Variants in SRRM3 observed in about 807,000 individuals in gnomAD.
SRRM3 encodes serine/arginine repetitive matrix protein 3.
Under a neutral mutation model 66.2 loss-of-function variants are expected in SRRM3, and 27 were observed. That is an observed-to-expected ratio of 0.41 (90% CI 0.30 to 0.56). SRRM3 has a LOEUF of 0.56. Ranked by LOEUF, SRRM3 falls within the 20% of genes least tolerant of loss-of-function variation. SRRM3 has a pLI of 0.32. For synonymous variants in SRRM3, 391 were observed against 414.9 expected (o/e 0.94, Z 0.70); for missense variants, 918 against 991.9 (o/e 0.93, Z 1.00).
intron 1 of SRRM3, among the ~76,000 whole-genome samples, chr7:76,222,230 AC>A (rs1800742188): frequency 6.6e-6 from 1 of 151,918 alleles, no homozygotes; most frequent in Non-Finnish European, 1.5e-5. Context: ...AACTAGTGAG[AC>A]CCTGTCTCTA....
In SRRM3 at chr7:76,235,703, G is replaced by T. The variant is rs1286486944; in HGVS notation, c.233+404G>T. On this transcript the variant is annotated intron_variant, in intron 2 of 14. Coordinates refer to ENST00000611745, the MANE Select transcript of SRRM3 (RefSeq NM_001110199.3). ...TAACATGGTGAAACCCCGTCTCTAT[G>T]AAAAATACAAAAAAAAATTTAGCTG... is the stretch of plus-strand genomic sequence containing the variant. Among the ~76,000 whole-genome samples the T allele has an allele frequency of 2.0e-5, 3 of 151,124 alleles. No individual in the cohort carries two copies. In the South Asian group the frequency reaches 6.3e-4, roughly 32 times the overall value.
chr7:76,262,479 C>T (rs1227491727), intron 8 of SRRM3, among the ~76,000 whole-genome samples: 1 of 142,794 alleles, frequency 7.0e-6, no homozygotes, highest in East Asian at 2.1e-4. Flanking sequence ...GAGTGCACAG[C>T]ACTCCAGCCT....
chr7:76,224,154 C>T (rs1308343848), intron 1 of SRRM3, among the ~76,000 whole-genome samples: 1 of 127,052 alleles, frequency 7.9e-6, no homozygotes, highest in Non-Finnish European at 1.6e-5. Context: ...GATCACAGCT[C>T]ACTGCAAGCT....
intron 5 of SRRM3, 84 bp from the exon 6 acceptor site, chr7:76,260,790 C>A: frequency 1.5e-6 from 2 of 1,346,910 alleles, no homozygotes; most frequent in Non-Finnish European, 2.1e-6. Flanking sequence ...CCTCCCCTGT[C>A]CTGCGTGAGA....
chr7:76,257,443 T>TAAAA (rs34478728), intron 3 of SRRM3, among the ~76,000 whole-genome samples: 6 of 95,282 alleles, frequency 6.3e-5, no homozygotes, highest in East Asian at 3.0e-4. Context: ...CTTGTTCAAT[T>TAAAA]AAAAAAAAAA....
At chr7:76,277,870 C>G (rs1323188117) in intron 11 of SRRM3, among the ~76,000 whole-genome samples, 1 of 152,176 alleles carries the variant, frequency 6.6e-6, no homozygotes, top group African/African-American at 2.4e-5. Flanking sequence ...CCTCCCCTAA[C>G]CAAAGTAGCA....
intron 1 of SRRM3, among the ~76,000 whole-genome samples, chr7:76,225,130 A>G (rs1298217541): frequency 6.6e-6 from 1 of 152,200 alleles, no homozygotes; most frequent in Non-Finnish European, 1.5e-5. Flanking sequence ...CAGATGAGGA[A>G]ACTGAGGCTC....
chr7:76,235,001 C>T, intron 1 of SRRM3, 27 bp from the exon 2 acceptor site: 1 of 1,359,102 alleles, frequency 7.4e-7, no homozygotes, highest in Non-Finnish European at 9.9e-7. Flanking sequence ...GTGACCATCC[C>T]GCCTCGTGTC....
chr7:76,261,031 C>T lies in SRRM3; in HGVS notation c.575+128C>T, dbSNP rs1157641644. On this transcript the variant is annotated intron_variant, in intron 6 of 14. Coordinates refer to ENST00000611745, the MANE Select transcript of SRRM3 (RefSeq NM_001110199.3). The stretch of plus-strand genomic sequence containing the variant: ...CCTGCACCTGGACACTGCCAAGGTG[C>T]AAGTTTTGCCCCTACAGAGGCCGTG... 11 of 1,006,888 alleles carry T rather than the reference C, an allele frequency of 1.1e-5. No individual in the cohort carries two copies. In the East Asian group the frequency reaches 2.9e-4, roughly 27 times the overall value. The allele number at this position is 1,006,888 out of a possible 1,614,324, so 62.4% of individuals were successfully genotyped here.
chr7:76,258,453 G>C (rs996142069), intron 3 of SRRM3, among the ~76,000 whole-genome samples: 1 of 152,032 alleles, frequency 6.6e-6, no homozygotes, highest in African/African-American at 2.4e-5. Context: ...GGTGGCTCAC[G>C]CCTGTAATCC....
chr7:76,278,184 A>G (rs1554611402), intron 11 of SRRM3, among the ~76,000 whole-genome samples: 1 of 152,092 alleles, frequency 6.6e-6, no homozygotes, highest in African/African-American at 2.4e-5. Context: ...CACAACTGCC[A>G]TCTCAGAGGG....
intron 1 of SRRM3, among the ~76,000 whole-genome samples, chr7:76,205,445 G>T (rs1244970394): frequency 6.6e-6 from 1 of 152,086 alleles, no homozygotes; most frequent in African/African-American, 2.4e-5. Flanking sequence ...CCTGACCTCA[G>T]GTGATCCGCC....
chr7:76,237,146 G>A (rs1213463723), intron 2 of SRRM3, among the ~76,000 whole-genome samples: 2 of 152,112 alleles, frequency 1.3e-5, no homozygotes, highest in South Asian at 2.1e-4. Context: ...GGTGGCTCAC[G>A]CCTGCAATCA....
At chr7:76,277,899 A>T (rs1802396140) in intron 11 of SRRM3, among the ~76,000 whole-genome samples, 1 of 152,152 alleles carries the variant, frequency 6.6e-6, no homozygotes, top group Non-Finnish European at 1.5e-5. Flanking sequence ...TTTCTTAAAG[A>T]AGGAGACCAG....
chr7:76,228,292 C>G (rs1223174949), intron 1 of SRRM3, among the ~76,000 whole-genome samples: 2 of 152,184 alleles, frequency 1.3e-5, no homozygotes, highest in African/African-American at 4.8e-5. Flanking sequence ...TCTTGGGGCT[C>G]TGTTTTGCAG....
intron 1 of SRRM3, among the ~76,000 whole-genome samples, chr7:76,229,188 G>A (rs1006274946): frequency 5.3e-5 from 8 of 151,966 alleles, no homozygotes; most frequent in African/African-American, 1.5e-4. Context: ...ATGAGCCACC[G>A]CGCCCAGCCG....
intron 11 of SRRM3, chr7:76,273,276 G>A (rs2117091886): frequency 6.6e-6 from 1 of 152,144 alleles, no homozygotes; most frequent in South Asian, 2.1e-4. Context: ...CAGCCCCTCT[G>A]TAGCCCACCC....
intron 2 of SRRM3, among the ~76,000 whole-genome samples, chr7:76,245,699 G>A (rs990310079): frequency 1.3e-5 from 2 of 152,042 alleles, no homozygotes; most frequent in African/African-American, 4.8e-5. Flanking sequence ...TGTTTGTTTT[G>A]TTTTGTTGTT....
rs1443480716 is a variant in SRRM3 at position 76,261,360 on chromosome 7, G to C, written c.584G>C (p.Ser195Thr). ...RRLESECSCG[S>T]SSPLRKKKKS... ...CCTCCCTGTGTCCACAGCTGTGGGA[G>C]CTCCTCACCCCTCCGCAAGAAGAAG... Residue 195 changes from serine (S) to threonine (T), a missense_variant, in exon 7 of 15, where the codon AGC (serine) becomes ACC (threonine). Coordinates refer to ENST00000611745, the MANE Select transcript of SRRM3 (RefSeq NM_001110199.3). The C allele has an allele frequency of 6.3e-6, 10 of 1,585,928 alleles. No homozygotes were observed. The highest frequency in any genetic ancestry group is 1.7e-4 in the Middle Eastern group (1 of 6,004).
Sources: allele counts gnomAD v4.1 joint callset (sites outside exome capture counted in the v4.1 genomes callset), GRCh38; gene constraint gnomAD v4.1.1; transcripts MANE v1.5; gene names NCBI Gene and HGNC (gene_info 2026-07-23, HGNC 2026-07-21).